Variants in SGMS1 observed in about 807,000 individuals in gnomAD.
SGMS1 encodes sphingomyelin synthase 1, also known as phosphatidylcholine:ceramide cholinephosphotransferase 1.
In SGMS1, 13 loss-of-function variants were observed where a neutral mutation model predicts 46.2. The observed-to-expected ratio is 0.28, with a 90% CI of 0.18 to 0.45. SGMS1 has a LOEUF of 0.45. SGMS1 is among the 20% of genes least tolerant of loss of function. SGMS1 has a pLI of 1.00. For synonymous variants in SGMS1, 203 were observed against 187.8 expected (o/e 1.08, Z -0.66); for missense variants, 324 against 519.9 (o/e 0.62, Z 3.66).
chr10:50,408,431 TAAAAAAAA>T (rs71029307), intron 6 of SGMS1, among the ~76,000 whole-genome samples: 1 of 95,208 alleles, frequency 1.1e-5, no homozygotes, highest in African/African-American at 3.9e-5. Flanking sequence ...CCTCATCTCT[TAAAAAAAA>T]AAAAAAAAAA....
chr10:50,368,417 T>G (rs1848383790), intron 6 of SGMS1, among the ~76,000 whole-genome samples: 1 of 152,174 alleles, frequency 6.6e-6, no homozygotes, highest in South Asian at 2.1e-4. Context: ...AGTGCAATGG[T>G]GCGATCTTGG....
intron 7 of SGMS1, among the ~76,000 whole-genome samples, chr10:50,338,846 T>C (rs995761041): frequency 6.6e-6 from 1 of 152,066 alleles, no homozygotes; most frequent in Non-Finnish European, 1.5e-5. Context: ...TTCAAGCGAT[T>C]CTCCTGCCTC....
At chr10:50,493,790 G>A (rs956342768) in intron 3 of SGMS1, among the ~76,000 whole-genome samples, 1 of 152,036 alleles carries the variant, frequency 6.6e-6, no homozygotes, top group African/African-American at 2.4e-5. Context: ...AGTCAGAATG[G>A]CTATTATTTT....
At chr10:50,608,605 A>G (rs1288920743) in intron 1 of SGMS1, among the ~76,000 whole-genome samples, 2 of 152,218 alleles carry the variant, frequency 1.3e-5, no homozygotes, top group East Asian at 3.8e-4. Flanking sequence ...TAGTATTATC[A>G]TCGAAATTTA....
chr10:50,357,358 A>G (rs1848171592), intron 6 of SGMS1, among the ~76,000 whole-genome samples: 1 of 152,168 alleles, frequency 6.6e-6, no homozygotes, highest in Non-Finnish European at 1.5e-5. Flanking sequence ...TAAATAAATC[A>G]TTTATAAATT....
chr10:50,327,129 T>G, intron 8 of SGMS1, 76 bp downstream of exon 8: 1 of 836,300 alleles, frequency 1.2e-6, no homozygotes. Context: ...AACGTTTTCC[T>G]GCAACCTCAC....
At chr10:50,597,132 C>A (rs1004185457) in intron 1 of SGMS1, among the ~76,000 whole-genome samples, 1 of 152,154 alleles carries the variant, frequency 6.6e-6, no homozygotes, top group Admixed American at 6.5e-5. Flanking sequence ...GGCATAATAA[C>A]CACCTGGAAC....
At chr10:50,366,597 T>C (rs149896323) in intron 6 of SGMS1, among the ~76,000 whole-genome samples, 2,415 of 152,284 alleles carry the variant, frequency 0.016, 72 homozygotes, top group African/African-American at 0.054. Flanking sequence ...GTGGCACATA[T>C]ACACCATGGC....
chr10:50,469,456 CA>C (rs1167697755), intron 3 of SGMS1, among the ~76,000 whole-genome samples: 3 of 152,142 alleles, frequency 2.0e-5, no homozygotes, highest in Non-Finnish European at 2.9e-5. Flanking sequence ...CTTGATTTTT[CA>C]GTGGACATAT....
intron 6 of SGMS1, among the ~76,000 whole-genome samples, chr10:50,392,817 G>C (rs1848793038): frequency 6.6e-6 from 1 of 152,142 alleles, no homozygotes; most frequent in African/African-American, 2.4e-5. Context: ...GAGAGAACAA[G>C]AATCCAGAAA....
chr10:50,392,080 T>A (rs1848777561), intron 6 of SGMS1, among the ~76,000 whole-genome samples: 1 of 151,724 alleles, frequency 6.6e-6, no homozygotes, highest in African/African-American at 2.4e-5. Flanking sequence ...ACCTGTCGAG[T>A]ACTATACTTA....
chr10:50,553,366 G>A (rs942721905), intron 2 of SGMS1, among the ~76,000 whole-genome samples: 2 of 152,160 alleles, frequency 1.3e-5, no homozygotes, highest in Non-Finnish European at 2.9e-5. Flanking sequence ...AAGATGGGAT[G>A]ATATTCATAG....
chr10:50,478,825 C>T (rs750925794), intron 3 of SGMS1, among the ~76,000 whole-genome samples: 5 of 152,058 alleles, frequency 3.3e-5, no homozygotes, highest in African/African-American at 7.2e-5. Flanking sequence ...CCATTTCAAG[C>T]TTCACACAAA....
intron 7 of SGMS1, among the ~76,000 whole-genome samples, chr10:50,338,745 T>C (rs1054180568): frequency 2.3e-5 from 3 of 129,042 alleles, no homozygotes; most frequent in African/African-American, 3.7e-5. Context: ...TGCAATGGCA[T>C]TTTTTTTTTT....
chr10:50,563,742 CAAAAAAAAAAAAAAA>C (rs60882939), intron 2 of SGMS1, among the ~76,000 whole-genome samples: 27 of 65,736 alleles, frequency 4.1e-4, no homozygotes, highest in South Asian at 5.5e-4. Context: ...GACTCCGTCT[CAAAAAAAAAAAAAAA>C]AAAAAAAAAG....
intron 2 of SGMS1, among the ~76,000 whole-genome samples, chr10:50,539,484 C>T (rs779848987): frequency 3.3e-5 from 5 of 152,184 alleles, no homozygotes; most frequent in Admixed American, 6.5e-5. Flanking sequence ...GGATCCTGTT[C>T]GAAATTTATT....
chr10:50,529,867 G>A (rs1837937755), intron 2 of SGMS1, among the ~76,000 whole-genome samples: 1 of 152,188 alleles, frequency 6.6e-6, no homozygotes, highest in Non-Finnish European at 1.5e-5. Context: ...GGAGAACCAT[G>A]TACTGGAGGA....
intron 3 of SGMS1, among the ~76,000 whole-genome samples, chr10:50,501,713 G>T (rs961120984): frequency 6.6e-6 from 1 of 152,132 alleles, no homozygotes; most frequent in Non-Finnish European, 1.5e-5. Context: ...CTGATAGGGC[G>T]TTCTGTCCTA....
intron 7 of SGMS1, among the ~76,000 whole-genome samples, chr10:50,329,977 GAAT>G (rs1847592793): frequency 6.6e-6 from 1 of 152,140 alleles, no homozygotes; most frequent in African/African-American, 2.4e-5. Flanking sequence ...AAGGAAATAT[GAAT>G]AAAAGTGTTA....
Sources: allele counts gnomAD v4.1 joint callset (sites outside exome capture counted in the v4.1 genomes callset), GRCh38; gene constraint gnomAD v4.1.1; transcripts MANE v1.5; gene names NCBI Gene and HGNC (gene_info 2026-07-23, HGNC 2026-07-21).